NBEA: variants seen among roughly 807,000 people sequenced by gnomAD.
The protein encoded by NBEA is neurobeachin.
NBEA carries 44 observed loss-of-function variants against 343.4 expected under a neutral mutation model. The observed-to-expected ratio is 0.13, with a 90% CI of 0.10 to 0.16. The LOEUF (loss-of-function observed/expected upper bound fraction) is 0.16. NBEA is among the 10% of genes least tolerant of loss of function. The pLI is 1.00. For missense variants in NBEA, 2,555 were observed against 3,631.3 expected (o/e 0.70, Z 7.62); for synonymous variants, 1,175 against 1,238.7 (o/e 0.95, Z 1.08).
chr13:35,236,301 G>C (rs2075225379), intron 34 of NBEA, among the ~76,000 whole-genome samples: 1 of 152,174 alleles, frequency 6.6e-6, no homozygotes, highest in Middle Eastern at 3.4e-3. Flanking sequence ...GACCCAACTA[G>C]TCTTTATCTT....
intron 1 of NBEA, among the ~76,000 whole-genome samples, chr13:35,008,096 T>G (rs2061373337): frequency 6.6e-6 from 1 of 152,148 alleles, no homozygotes; most frequent in South Asian, 2.1e-4. Flanking sequence ...AGTCACAGAT[T>G]GTTACAATCC....
At chr13:35,625,553 A>C (rs559988368) in intron 48 of NBEA, among the ~76,000 whole-genome samples, 99 of 152,234 alleles carry the variant, frequency 6.5e-4, no homozygotes, top group African/African-American at 2.0e-3. Flanking sequence ...GGAGCCCAGG[A>C]GACGGAGGTT....
At chr13:35,252,185 G>A (rs1489098713) in intron 34 of NBEA, among the ~76,000 whole-genome samples, 3 of 152,060 alleles carry the variant, frequency 2.0e-5, no homozygotes, top group Admixed American at 1.3e-4. Flanking sequence ...ATGGTGGAAG[G>A]GAAAGCAAGG....
chr13:35,250,566 C>G (rs1315842890), intron 34 of NBEA, among the ~76,000 whole-genome samples: 1 of 152,082 alleles, frequency 6.6e-6, no homozygotes, highest in Non-Finnish European at 1.5e-5. Flanking sequence ...TAGTGGGAGT[C>G]TAAATTGATG....
At chr13:35,127,646 A>C (rs560523731) in intron 17 of NBEA, among the ~76,000 whole-genome samples, 1 of 152,160 alleles carries the variant, frequency 6.6e-6, no homozygotes, top group Admixed American at 6.5e-5. Flanking sequence ...ATGTAGATGA[A>C]AGGAAAAAAT....
At chr13:35,476,720 T>C in intron 41 of NBEA, 2 of 1,064,990 alleles carry the variant, frequency 1.9e-6, no homozygotes, top group Non-Finnish European at 2.3e-6. Flanking sequence ...GTGGAAATTA[T>C]AAAGGCAGGG....
At chr13:34,969,063 T>G (rs1429688108) in intron 1 of NBEA, among the ~76,000 whole-genome samples, 1 of 152,090 alleles carries the variant, frequency 6.6e-6, no homozygotes, top group African/African-American at 2.4e-5. Flanking sequence ...ATTCCTTGAT[T>G]AGTGATGTTT....
At chr13:35,053,253 T>C (rs2063128193) in intron 6 of NBEA, among the ~76,000 whole-genome samples, 1 of 152,160 alleles carries the variant, frequency 6.6e-6, no homozygotes, top group African/African-American at 2.4e-5. Context: ...AAGGTCTGTT[T>C]ACAATCTGGT....
intron 45 of NBEA, 60 bp from the exon 46 acceptor site, chr13:35,583,838 T>C: frequency 2.4e-6 from 3 of 1,232,556 alleles, no homozygotes; most frequent in Non-Finnish European, 3.4e-6. Context: ...GTATAAAGAT[T>C]TATTATCTAG....
chr13:35,578,573 C>A (rs2080858173), intron 45 of NBEA, among the ~76,000 whole-genome samples: 1 of 151,984 alleles, frequency 6.6e-6, no homozygotes, highest in African/African-American at 2.4e-5. Context: ...ATGTGGAGAC[C>A]CAGGTACCTG....
intron 3 of NBEA, 101 bp downstream of exon 3, chr13:35,045,148 A>C: frequency 8.1e-7 from 1 of 1,228,280 alleles, no homozygotes; most frequent in Non-Finnish European, 1.1e-6. Context: ...TTTATAATGG[A>C]AATTGCTTTC....
At chr13:34,961,759 C>G (rs1052111669) in intron 1 of NBEA, among the ~76,000 whole-genome samples, 1 of 151,968 alleles carries the variant, frequency 6.6e-6, no homozygotes. Flanking sequence ...AAAAAGAAAT[C>G]TACCAAGTAA....
chr13:35,627,029 A>G (rs1477915942), intron 48 of NBEA, among the ~76,000 whole-genome samples: 3 of 152,196 alleles, frequency 2.0e-5, no homozygotes, highest in South Asian at 2.1e-4. Flanking sequence ...GTTGAAAAGT[A>G]TTATTTATAA....
intron 58 of NBEA, among the ~76,000 whole-genome samples, chr13:35,670,670 C>G (rs1364688890): frequency 2.6e-5 from 4 of 152,232 alleles, no homozygotes; most frequent in Admixed American, 6.5e-5. Context: ...CCCTCACGCT[C>G]TGCAGCAGGG....
At chr13:35,006,934 G>A (rs1450644168) in intron 1 of NBEA, among the ~76,000 whole-genome samples, 1 of 152,146 alleles carries the variant, frequency 6.6e-6, no homozygotes, top group Admixed American at 6.6e-5. Flanking sequence ...TGTATTTGTG[G>A]TAGAGGACTT....
chr13:35,208,761 G>A lies in NBEA; in HGVS notation c.5428G>A (p.Ala1810Thr). 1 of 1,611,944 alleles carries A rather than the reference G, an allele frequency of 6.2e-7. No individual in the cohort carries two copies. The highest frequency in any genetic ancestry group is 8.5e-7 in the Non-Finnish European group (1 of 1,178,734). Residue 1810 changes from alanine (A) to threonine (T), a missense_variant, in exon 32 of 59, where the codon GCC becomes ACC. By Grantham distance (58) the Ala-to-Thr change is moderately conservative. Around this residue, in one of 21 missense-constraint regions of NBEA, gnomAD observed 270 missense variants for 293.3 expected, o/e 0.92. Transcript: ENST00000379939. ...PGSLAVTTVGATTAGSGLPTG... is the reference protein window; with the variant it reads ...PGSLAVTTVGTTTAGSGLPTG... ...TAGTTTAGCTGTAACCACTGTGGGA[G>A]CCACTACTGCTGGAAGTGGGCTGCC...
chr13:35,482,262 A>C (rs1010415879), intron 41 of NBEA, among the ~76,000 whole-genome samples: 1 of 151,670 alleles, frequency 6.6e-6, no homozygotes, highest in Admixed American at 6.6e-5. Context: ...TGTGCAGTAA[A>C]ATAAATGGTT....
chr13:35,316,272 C>T (rs1039223908), intron 36 of NBEA, among the ~76,000 whole-genome samples: 3 of 151,988 alleles, frequency 2.0e-5, no homozygotes, highest in African/African-American at 7.2e-5. Flanking sequence ...CTCCACCCCC[C>T]AACAGGCCCC....
chr13:35,486,500 T>A (rs1180472034), intron 41 of NBEA, among the ~76,000 whole-genome samples: 1 of 152,050 alleles, frequency 6.6e-6, no homozygotes, highest in Admixed American at 6.6e-5. Context: ...AATGAGTATT[T>A]AATCTCATTT....
Sources: allele counts gnomAD v4.1 joint callset (sites outside exome capture counted in the v4.1 genomes callset), GRCh38; gene constraint gnomAD v4.1.1; regional missense constraint gnomAD v4.1.1; transcripts MANE v1.5; gene names NCBI Gene and HGNC (gene_info 2026-07-23, HGNC 2026-07-21).